Variants in ACIN1 observed in about 807,000 individuals in gnomAD.
ACIN1 encodes the protein apoptotic chromatin condensation inducer in the nucleus.
ACIN1 carries 16 observed loss-of-function variants against 146.6 expected under a neutral mutation model. That is an observed-to-expected ratio of 0.11 (90% CI 0.07 to 0.17). The LOEUF (loss-of-function observed/expected upper bound fraction) is 0.17. Ranked by LOEUF, ACIN1 falls within the 10% of genes least tolerant of loss-of-function variation. The pLI is 1.00. For synonymous variants in ACIN1, 569 were observed against 582.7 expected (o/e 0.98, Z 0.34); for missense variants, 1,357 against 1,609.3 (o/e 0.84, Z 2.68).
intron 8 of ACIN1, 24 bp from the exon 9 acceptor site, chr14:23,069,641 T>TGGGGGGTGGGGTGGG: frequency 3.9e-5 from 12 of 309,158 alleles, no homozygotes; most frequent in East Asian, 1.4e-4. Flanking sequence ...GGAGTGGTGG[T>TGGGGGGTGGGGTGGG]GGGGGGGCGG....
At chr14:23,064,793 G>A in intron 10 of ACIN1, 1 of 215,918 alleles carries the variant, frequency 4.6e-6, no homozygotes, top group Non-Finnish European at 8.5e-6. Flanking sequence ...GCTACTCAGG[G>A]TGCTGAAGCA....
rs761787708 is a variant in ACIN1, at chr14:23,062,552, T to G, written c.2884-29A>C. Reference sequence around the variant, plus strand: ...CCAATGAAAATAGACTTTCAGGGTCTAGCAGAAGGCAAGACCACCACCCAA... The same window carrying G: ...CCAATGAAAATAGACTTTCAGGGTCGAGCAGAAGGCAAGACCACCACCCAA... On this transcript the variant is annotated intron_variant, in intron 14 of 18. Coordinates refer to ENST00000605057, the MANE Select transcript of ACIN1 (RefSeq NM_001386863.1). 1.9e-6 allele frequency: 3 copies of G among 1,593,636 alleles called. No homozygotes were observed. In the African/African-American group the frequency reaches 4.0e-5, roughly 21 times the overall value.
chr14:23,090,703 T>A (rs1035144590), intron 2 of ACIN1, 70 bp from the exon 3 acceptor site: 2 of 1,250,384 alleles, frequency 1.6e-6, no homozygotes, highest in African/African-American at 1.5e-5. Context: ...GAACATTCCA[T>A]GGAGCAAAGG....
At chr14:23,066,682 G>A (rs1421750259) in intron 9 of ACIN1, among the ~76,000 whole-genome samples, 1 of 152,208 alleles carries the variant, frequency 6.6e-6, no homozygotes, top group Non-Finnish European at 1.5e-5. Flanking sequence ...CTTTGATAAA[G>A]GAAGGTTTTT....
At position 23,079,784 on chromosome 14, in the gene ACIN1, A is replaced by C; in HGVS notation, c.1551T>G (p.Asp517Glu). 6.2e-7 allele frequency: 1 copy of C among 1,614,182 alleles called. No homozygotes were observed. Among genetic ancestry groups the C allele is most frequent in the Non-Finnish European group, 8.5e-7 (1 of 1,180,030 alleles). The change falls in exon 6 of 19, where the codon GAT becomes GAG. Residue 517 changes from aspartate to glutamate, a missense_variant. By Grantham distance (45) the Asp-to-Glu change is conservative. Transcript: ENST00000605057. ...LPSHRLKQSA[D>E]SSSSRSSSSS... The stretch of plus-strand genomic sequence containing the variant: ...ATGAGGAGGACCGGCTAGAGGATGA[A>C]TCAGCTGACTGTTTCAATCTGTGGC...
In ACIN1 at chr14:23,080,268, G is replaced by A. The variant is rs779078722; in HGVS notation, c.1067C>T (p.Thr356Ile). Residue 356 changes from threonine to isoleucine, a missense_variant, in exon 6 of 19, where the codon ACT becomes ATT. Physicochemically the swap from Thr to Ile is moderately conservative, Grantham distance 89 (BLOSUM62 -1). Transcript: ENST00000605057. ...TTCCTTTGTTAGTAAAGGTGGAGGA[G>A]TCTCCTCCTCGCTGGCAGTTTGCTC... Reference protein sequence around the residue: ...LPEQTASEEETPPPLLTKEAS... With the variant: ...LPEQTASEEEIPPPLLTKEAS... 3 of 1,614,194 alleles carry A rather than the reference G, an allele frequency of 1.9e-6. No individual in the cohort carries two copies. The South Asian group carries it at 3.3e-5, about 18-fold the overall frequency.
At chr14:23,075,579 A>C (rs1399022398) in intron 8 of ACIN1, among the ~76,000 whole-genome samples, 4 of 150,004 alleles carry the variant, frequency 2.7e-5, no homozygotes, top group Non-Finnish European at 5.9e-5. Flanking sequence ...AATCTCTTCC[A>C]AATGGTGACA....
intron 8 of ACIN1, among the ~76,000 whole-genome samples, chr14:23,071,930 A>G (rs1566742307): frequency 6.6e-6 from 1 of 152,208 alleles, no homozygotes; most frequent in Non-Finnish European, 1.5e-5. Flanking sequence ...CCAAAGTTGA[A>G]AAGTGATTAA....
At chr14:23,072,409 CT>C (rs2047685961) in intron 8 of ACIN1, among the ~76,000 whole-genome samples, 1 of 152,072 alleles carries the variant, frequency 6.6e-6, no homozygotes, top group Middle Eastern at 3.2e-3. Context: ...AGGTGAGGCT[CT>C]AAAGTAGATA....
intron 10 of ACIN1, among the ~76,000 whole-genome samples, chr14:23,064,978 A>T (rs1324123012): frequency 6.6e-6 from 1 of 152,140 alleles, no homozygotes; most frequent in Non-Finnish European, 1.5e-5. Context: ...AAAAGCAGTA[A>T]GGGAGGGGTA....
chr14:23,084,095 C>T (rs1365803529), intron 4 of ACIN1, among the ~76,000 whole-genome samples: 2 of 151,904 alleles, frequency 1.3e-5, no homozygotes, highest in Non-Finnish European at 2.9e-5. Context: ...TACAGGCGCC[C>T]GCCACCACGC....
At chr14:23,061,650 T>G in intron 16 of ACIN1, 28 bp from the exon 17 acceptor site, 1 of 1,500,816 alleles carries the variant, frequency 6.7e-7, no homozygotes, top group Non-Finnish European at 8.9e-7. Flanking sequence ...ACAAGGACAG[T>G]TAGGATAGAG....
chr14:23,068,249 G>A lies in ACIN1; in HGVS notation c.2265+1227C>T, dbSNP rs2140050030. The A allele has an allele frequency of 2.0e-6, 2 of 985,710 alleles. No individual in the cohort carries two copies. Among genetic ancestry groups the A allele is most frequent in the African/African-American group, 1.7e-5 (1 of 57,360 alleles). The allele number at this position is 985,710 out of a possible 1,614,324, so 61.1% of individuals were successfully genotyped here. ...GGCACTGCGATCACAAACTTTAGGA[G>A]GTCTTGGTGCCCTAGATGGGGATCC... is the stretch of plus-strand genomic sequence containing the variant. On this transcript the variant is annotated intron_variant, in intron 9 of 18. Transcript: ENST00000605057. This position sits in a 1 kb window ranked among gnomAD's most constrained non-coding sequence, Gnocchi z 4.3.
intron 8 of ACIN1, among the ~76,000 whole-genome samples, chr14:23,077,202 A>G (rs1413209130): frequency 6.6e-6 from 1 of 152,258 alleles, no homozygotes; most frequent in Non-Finnish European, 1.5e-5. Flanking sequence ...GAGTTAAAGT[A>G]CAGTTTGAAG....
Position 23,080,597 on chromosome 14 carries a change from A to G in ACIN1, c.738T>C (p.Phe246=), listed in dbSNP as rs767467533. Residue 246 remains phenylalanine (F), a synonymous_variant, in exon 6 of 19, where the codon TTT becomes TTC. Coordinates refer to ENST00000605057, the MANE Select transcript of ACIN1 (RefSeq NM_001386863.1). ...TAGGTATCTCTTCCCCTTCTTCCTT[A>G]AACTCTTTCAGGATTGGTGCCTCCC... ...KSREAPILKE[F]KEEGEEIPRV... 5.6e-6 allele frequency: 9 copies of G among 1,613,910 alleles called. No homozygotes were observed. Among genetic ancestry groups the G allele is most frequent in the Middle Eastern group, 1.6e-4 (1 of 6,062 alleles).
chr14:23,079,934 A>G lies in ACIN1; in HGVS notation c.1401T>C (p.Ser467=), dbSNP rs764035037. The part of the protein sequence containing the change: ...QKDLEPESDR[S]AQPLPLKIEE... The stretch of plus-strand genomic sequence containing the variant: ...CAATTTTTAGAGGGAGGGGCTGAGC[A>G]GATCTGTCTGACTCAGGTTCAAGAT... Residue 467 remains serine, a synonymous_variant, in exon 6 of 19, where the codon TCT becomes TCC. Coordinates refer to ENST00000605057, the MANE Select transcript of ACIN1 (RefSeq NM_001386863.1). 6.2e-7 allele frequency: 1 copy of G among 1,614,180 alleles called. No homozygotes were observed. Among genetic ancestry groups the G allele is most frequent in the Non-Finnish European group, 8.5e-7 (1 of 1,180,040 alleles).
In ACIN1 at chr14:23,078,847, A is replaced by G; in HGVS notation, c.1980T>C (p.His660=). 6.2e-7 allele frequency: 1 copy of G among 1,613,194 alleles called. No individual in the cohort carries two copies. The highest frequency in any genetic ancestry group is 8.5e-7 in the Non-Finnish European group (1 of 1,180,032). ...GCTCAGGCTGTAACCTCTGGGTCAC[A>G]TGCTTTTCAGCTGATTCAGGCTGAC... ...RLSQPESAEK[H]VTQRLQPERG... The change falls in exon 7 of 19, where the codon CAT becomes CAC. Residue 660 remains histidine (H), a synonymous_variant. Coordinates refer to ENST00000605057, the MANE Select transcript of ACIN1 (RefSeq NM_001386863.1).
At chr14:23,094,604 C>G (rs551121939) in intron 1 of ACIN1, 20 of 906,378 alleles carry the variant, frequency 2.2e-5, no homozygotes, top group Non-Finnish European at 2.6e-5. Flanking sequence ...TCCGACCCAG[C>G]CCAACTCGCC....
At chr14:23,087,956 C>T (rs933734576) in intron 4 of ACIN1, among the ~76,000 whole-genome samples, 2 of 152,200 alleles carry the variant, frequency 1.3e-5, no homozygotes, top group Non-Finnish European at 2.9e-5. Flanking sequence ...AATCCTGTAT[C>T]TCCTTATGAG....
Sources: allele counts gnomAD v4.1 joint callset (sites outside exome capture counted in the v4.1 genomes callset), GRCh38; gene constraint gnomAD v4.1.1; non-coding constraint Gnocchi (gnomAD v3.1); transcripts MANE v1.5; gene names NCBI Gene and HGNC (gene_info 2026-07-23, HGNC 2026-07-21).